LRP3: variants seen among roughly 807,000 people sequenced by gnomAD.
The protein encoded by LRP3 is LDL receptor related protein 3.
LRP3 carries 49 observed loss-of-function variants against 58.5 expected under a neutral mutation model. The ratio of observed to expected loss-of-function variants is 0.84; its 90% confidence interval spans 0.67 to 1.06. LRP3 has a LOEUF of 1.06. Ranked by LOEUF, LRP3 falls within the 50% of genes least tolerant of loss-of-function variation. The pLI, the probability that LRP3 is intolerant of heterozygous loss-of-function variation, is 0.00. For synonymous variants in LRP3, 485 were observed against 492.2 expected (o/e 0.99, Z 0.20); for missense variants, 1,019 against 1,134.2 (o/e 0.90, Z 1.46).
chr19:33,205,019 C>T (rs1974385046), intron 4 of LRP3, 167 bp downstream of exon 4: 3 of 746,930 alleles, frequency 4.0e-6, no homozygotes, highest in Admixed American at 5.4e-5. Context: ...CATGCGGATG[C>T]CTTGGACCTC....
chr19:33,201,701 T>C (rs1394274128), intron 2 of LRP3, among the ~76,000 whole-genome samples: 1 of 152,072 alleles, frequency 6.6e-6, no homozygotes. Flanking sequence ...GGCCCTGCCT[T>C]CATCTCAGGC....
intron 4 of LRP3, 65 bp downstream of exon 4, chr19:33,204,917 G>A (rs1440074607): frequency 2.7e-6 from 4 of 1,489,088 alleles, no homozygotes; most frequent in African/African-American, 2.8e-5. Flanking sequence ...CAGGCTCCCG[G>A]CCCACAGGGG....
intron 3 of LRP3, 114 bp from the exon 4 acceptor site, chr19:33,204,524 G>A (rs1279446596): frequency 6.7e-6 from 5 of 742,204 alleles, no homozygotes; most frequent in African/African-American, 3.5e-5. Flanking sequence ...GCAGCCGGCC[G>A]GGACAGGGCT....
In LRP3 at chr19:33,194,739, C is replaced by T. The variant is rs939957766; in HGVS notation, c.-47C>T. 94 of 700,094 alleles carry T rather than the reference C, an allele frequency of 1.3e-4. No individual in the cohort carries two copies. The highest frequency in any genetic ancestry group is 1.6e-4 in the Non-Finnish European group (91 of 569,926). The allele number at this position is 700,094 out of a possible 1,614,324, so 43.4% of individuals were successfully genotyped here. On this transcript the variant is annotated 5_prime_UTR_variant, in exon 1 of 7. Coordinates refer to ENST00000253193, the MANE Select transcript of LRP3 (RefSeq NM_002333.4). ...CCGGAGCCGCAGCCGGAACCGGAGC[C>T]GGAGCCGCGGGGCAGGAGGCGGCGC...
rs1974442793 is a variant in LRP3 at position 33,207,748 on chromosome 19, AC to A, written c.*174del. 6 of 475,376 alleles carry A rather than the reference AC, an allele frequency of 1.3e-5. No homozygotes were observed. Among genetic ancestry groups the A allele is most frequent in the South Asian group, 8.6e-5 (4 of 46,412 alleles). 29.4% of individuals were successfully genotyped at this position (475,376 alleles called of 1,614,324 possible). On this transcript the variant is annotated 3_prime_UTR_variant, in exon 7 of 7. Transcript: ENST00000253193. ...TGGTGGGCGGGAGCTGTGGGACTGAACGGCGGGGGGGAGAAGAGTGGAGTGG... is the reference window on the plus strand; with the variant it reads ...TGGTGGGCGGGAGCTGTGGGACTGAAGGCGGGGGGGAGAAGAGTGGAGTGG...
chr19:33,200,402 T>C lies in LRP3; in HGVS notation c.122-2446T>C, dbSNP rs1170184677. On this transcript the variant is annotated intron_variant, in intron 2 of 6. Coordinates refer to ENST00000253193, the MANE Select transcript of LRP3 (RefSeq NM_002333.4). ...GCCCAGTACCACGCCTGGCTAATTT[T>C]ATACTTTTAGTAGAGACAGGGTTTT... Among the ~76,000 whole-genome samples the C allele has an allele frequency of 5.9e-5, 9 of 151,414 alleles. No homozygotes were observed. The East Asian group carries it at 1.7e-3, about 29-fold the overall frequency.
rs992153125 is a variant in LRP3 at position 33,194,462 on chromosome 19, A to AGGCCGGCCGC, written c.-320_-311dup. On this transcript the variant is annotated 5_prime_UTR_variant, in exon 1 of 7. It introduces an in-frame stop codon into an upstream open reading frame of the 5' UTR. Coordinates refer to ENST00000253193, the MANE Select transcript of LRP3 (RefSeq NM_002333.4). ...GGGCGCGCCGGGGGTCCCCGGGCCC[A>AGGCCGGCCGC]GGCCGGCCGCGGCGGGGCTCCCGGG... 7.2e-6 allele frequency: 1 copy of AGGCCGGCCGC among 139,736 alleles called. No homozygotes were observed. Among genetic ancestry groups the AGGCCGGCCGC allele is most frequent in the African/African-American group, 2.6e-5 (1 of 38,668 alleles). The allele number at this position is 139,736 out of a possible 1,614,324, so 8.7% of individuals were successfully genotyped here.
intron 2 of LRP3, among the ~76,000 whole-genome samples, chr19:33,197,042 G>A (rs752226475): frequency 6.6e-5 from 10 of 152,198 alleles, no homozygotes; most frequent in Admixed American, 6.5e-4. Flanking sequence ...TCTTAGTGTG[G>A]TGCCTGGCAC....
At chr19:33,197,645 C>T (rs1303757424) in intron 2 of LRP3, among the ~76,000 whole-genome samples, 2 of 152,096 alleles carry the variant, frequency 1.3e-5, no homozygotes, top group Non-Finnish European at 2.9e-5. Context: ...AAACCAAAAC[C>T]TGAGGTCAAG....
intron 2 of LRP3, among the ~76,000 whole-genome samples, chr19:33,202,507 G>C (rs915156857): frequency 6.6e-6 from 1 of 152,204 alleles, no homozygotes; most frequent in African/African-American, 2.4e-5. Context: ...CCACTGACCC[G>C]AGGCCACGAG....
At chr19:33,196,068 C>T (rs61519025) in intron 1 of LRP3, among the ~76,000 whole-genome samples, 19,491 of 152,090 alleles carry the variant, frequency 0.13, 4,225 homozygotes, top group African/African-American at 0.45. Flanking sequence ...CCAAACCCCA[C>T]GGAGGTGGGT....
Position 33,205,817 on chromosome 19 carries a change from G to A in LRP3, c.1047G>A (p.Ala349=), listed in dbSNP as rs369763565. 6.8e-5 allele frequency: 108 copies of A among 1,586,456 alleles called. No individual in the cohort carries two copies. The highest frequency in any genetic ancestry group is 9.0e-5 in the Non-Finnish European group (105 of 1,168,272). ...GCCGCCTCACTGTGGCCTACCACGC[G>A]CGCGCCCGCAGCGCCGGCCACGGCT... ...AQGRLTVAYH[A]RARSAGHGFN... is the part of the protein sequence containing the mutation. Residue 349 remains alanine, a synonymous_variant, in exon 5 of 7, where the codon GCG becomes GCA. Transcript: ENST00000253193.
intron 4 of LRP3, 195 bp from the exon 5 acceptor site, chr19:33,205,051 C>T: frequency 2.7e-6 from 2 of 745,702 alleles, no homozygotes; most frequent in Non-Finnish European, 4.3e-6. Flanking sequence ...GGCCCCACTT[C>T]CCAGTCTTGG....
chr19:33,198,328 TC>T (rs1275918548), intron 2 of LRP3, among the ~76,000 whole-genome samples: 1 of 152,130 alleles, frequency 6.6e-6, no homozygotes, highest in Non-Finnish European at 1.5e-5. Context: ...GTTGCCAAAC[TC>T]CAACGGCTGC....
chr19:33,202,780 T>G lies in LRP3; in HGVS notation c.122-68T>G, dbSNP rs112310740. 2.7e-3 allele frequency: 4,028 copies of G among 1,498,090 alleles called. 88 individuals are homozygous for G. In the African/African-American group the frequency reaches 0.049, roughly 18 times the overall value. 92.8% of individuals were successfully genotyped at this position (1,498,090 alleles called of 1,614,324 possible). On this transcript the variant is annotated intron_variant, in intron 2 of 6. Transcript: ENST00000253193. ...GGGGGAGGCCTGTGCTGAAGCCCCCTTCCCCCCACTGCAACCCGCATCCCA... is the reference window on the plus strand; with the variant it reads ...GGGGGAGGCCTGTGCTGAAGCCCCCGTCCCCCCACTGCAACCCGCATCCCA...
Position 33,207,524 on chromosome 19 carries a change from CT to C in LRP3, c.2263del (p.Cys755AlafsTer23), listed in dbSNP as rs1035975031. Reference protein sequence around the residue: ...LGVCRNPPPPCSPMLEASDDE... With the variant: ...LGVCRNPPPPXSPMLEASDDE... ...GGGTCTGCAGGAACCCCCCGCCCCC[CT>C]GCTCCCCAATGCTGGAGGCCAGCGA... is the stretch of plus-strand genomic sequence containing the variant. On this transcript the variant is annotated frameshift_variant, in exon 7 of 7. Transcript: ENST00000253193. LOFTEE classifies it high-confidence loss of function. 2 of 1,605,876 alleles carry C rather than the reference CT, an allele frequency of 1.2e-6. No homozygotes were observed. The highest frequency in any genetic ancestry group is 2.2e-5 in the South Asian group (2 of 90,908).
intron 2 of LRP3, among the ~76,000 whole-genome samples, chr19:33,200,624 C>T (rs918006030): frequency 7.2e-5 from 11 of 152,220 alleles, no homozygotes; most frequent in Non-Finnish European, 1.3e-4. Context: ...CCTCACCCGG[C>T]AAAGGGAACC....
intron 3 of LRP3, chr19:33,204,297 G>T: frequency 3.1e-6 from 1 of 317,704 alleles, no homozygotes; most frequent in Non-Finnish European, 5.9e-6. Flanking sequence ...AGGGTGTCGG[G>T]GCAGGGGGCT....
intron 2 of LRP3, among the ~76,000 whole-genome samples, chr19:33,200,318 G>A (rs62126570): frequency 0.019 from 2,967 of 152,156 alleles, 36 homozygotes; most frequent in Non-Finnish European, 0.029. Flanking sequence ...CACAACATCC[G>A]CCTCCTGGGT....
Sources: gnomAD v4.1 joint callset for allele counts (sites outside exome capture counted in the v4.1 genomes callset) on GRCh38, gnomAD v4.1.1 for gene constraint, MANE v1.5 for transcripts, NCBI Gene and HGNC (gene_info 2026-07-23, HGNC 2026-07-21) for gene names.